ASH1L: variants seen among roughly 807,000 people sequenced by gnomAD.
ASH1L encodes histone-lysine N-methyltransferase ASH1L.
A neutral mutation model predicts 269.0 loss-of-function variants in ASH1L; 23 were observed. The ratio of observed to expected loss-of-function variants is 0.09; its 90% CI spans 0.06 to 0.12. The LOEUF (loss-of-function observed/expected upper bound fraction) is 0.12. ASH1L is among the 10% of genes least tolerant of loss of function. The pLI, the probability that ASH1L is intolerant of heterozygous loss-of-function variation, is 1.00. For missense variants in ASH1L, 2,912 were observed against 3,567.8 expected (o/e 0.82, Z 4.68); for synonymous variants, 1,187 against 1,253.5 (o/e 0.95, Z 1.12).
chr1:155,451,293 C>T (rs1178621745), intron 4 of ASH1L, among the ~76,000 whole-genome samples: 5 of 151,952 alleles, frequency 3.3e-5, no homozygotes, highest in African/African-American at 7.3e-5. Context: ...AAAACAAACA[C>T]CGTATGGTTC....
rs1334600109 is a variant in ASH1L, at chr1:155,481,194, G to A, written c.1676C>T (p.Ser559Leu). ...TAAAGGATTAACAGATACAGTAGGT[G>A]ATGGGGAAGGGAGATTGCTTTCTCC... ...AVGESNLPSPSPTVSVNPLTR... is the reference protein window; with the variant it reads ...AVGESNLPSPLPTVSVNPLTR... Residue 559 changes from serine to leucine, a missense_variant, in exon 3 of 28, where the codon TCA becomes TTA. By Grantham distance (145) the Ser-to-Leu change is moderately radical. Transcript: ENST00000392403. 2 of 1,614,060 alleles carry A rather than the reference G, an allele frequency of 1.2e-6. No homozygotes were observed. The highest frequency in any genetic ancestry group is 1.7e-6 in the Non-Finnish European group (2 of 1,179,988).
chr1:155,511,268 C>T (rs1668143580), intron 2 of ASH1L, among the ~76,000 whole-genome samples: 1 of 152,306 alleles, frequency 6.6e-6, no homozygotes, highest in East Asian at 1.9e-4. Context: ...GAACAGTAAT[C>T]TAAATGTGGC....
intron 6 of ASH1L, among the ~76,000 whole-genome samples, chr1:155,401,129 C>T (rs1181409170): frequency 1.3e-5 from 2 of 151,660 alleles, no homozygotes; most frequent in Non-Finnish European, 2.9e-5. Context: ...CCACTGCACG[C>T]CAGCCAGGGT....
chr1:155,338,454 G>C, intron 26 of ASH1L, 64 bp from the exon 27 acceptor site: 1 of 1,498,230 alleles, frequency 6.7e-7, no homozygotes, highest in Non-Finnish European at 9.0e-7. Context: ...TGAAGGGTAG[G>C]AGGCCTCAAG....
chr1:155,533,943 T>C (rs1669866593), intron 1 of ASH1L, among the ~76,000 whole-genome samples: 1 of 152,056 alleles, frequency 6.6e-6, no homozygotes, highest in African/African-American at 2.4e-5. Flanking sequence ...TCAAAATATG[T>C]TTTGAGAATT....
At chr1:155,459,771 A>T in intron 4 of ASH1L, 26 bp downstream of exon 4, 2 of 1,567,652 alleles carry the variant, frequency 1.3e-6, no homozygotes, top group Non-Finnish European at 1.8e-6. Flanking sequence ...CTATCTTGAA[A>T]ATCTGGTAAA....
chr1:155,540,666 G>A (rs1280863153), intron 1 of ASH1L, among the ~76,000 whole-genome samples: 3 of 152,012 alleles, frequency 2.0e-5, no homozygotes, highest in Admixed American at 2.0e-4. Flanking sequence ...CTACTTGGGA[G>A]GCTGAGGTGG....
In ASH1L at chr1:155,489,762, A is replaced by T. The variant is rs200621283; in HGVS notation, c.421-7313T>A. Among the ~76,000 whole-genome samples, 20 of 148,912 alleles carry T rather than the reference A, an allele frequency of 1.3e-4. No individual in the cohort carries two copies. The East Asian group carries it at 1.6e-3, about 12-fold the overall frequency. Reference sequence around the variant, plus strand: ...AACAGAGGGAGACACTGTCTCAAAAAAAATAAATAAATAAATGGGGAGACA... The same window carrying T: ...AACAGAGGGAGACACTGTCTCAAAATAAATAAATAAATAAATGGGGAGACA... On this transcript the variant is annotated intron_variant, in intron 2 of 27. Coordinates refer to ENST00000392403, the MANE Select transcript of ASH1L (RefSeq NM_018489.3).
At chr1:155,376,642 G>A (rs1257366153) in intron 10 of ASH1L, among the ~76,000 whole-genome samples, 3 of 151,904 alleles carry the variant, frequency 2.0e-5, no homozygotes, top group African/African-American at 7.3e-5. Flanking sequence ...TCGTGCCACC[G>A]CACTCCAGCC....
chr1:155,361,830 G>GCCACTGCA (rs1257431056), intron 12 of ASH1L, among the ~76,000 whole-genome samples: 4 of 139,196 alleles, frequency 2.9e-5, no homozygotes, highest in Admixed American at 7.7e-5. Context: ...CTGAGATCAT[G>GCCACTGCA]CCACTGCATT....
Position 155,548,387 on chromosome 1 carries a change from T to C in ASH1L, c.-100+13766A>G, listed in dbSNP as rs542505581. Among the ~76,000 whole-genome samples, 6 of 152,070 alleles carry C rather than the reference T, an allele frequency of 3.9e-5. No individual in the cohort carries two copies. The South Asian group carries it at 8.3e-4, about 21-fold the overall frequency. ...AAATACAAAAATTAGCCGGGCGTGT[T>C]TGGCACATGCCTGTACTCCCAGCTA... On this transcript the variant is annotated intron_variant, in intron 1 of 27. Coordinates refer to ENST00000392403, the MANE Select transcript of ASH1L (RefSeq NM_018489.3).
chr1:155,435,114 C>A (rs1383460745), intron 5 of ASH1L, among the ~76,000 whole-genome samples: 1 of 151,872 alleles, frequency 6.6e-6, no homozygotes, highest in Non-Finnish European at 1.5e-5. Context: ...GCCAAGATTG[C>A]GCCACTGCAT....
At chr1:155,345,045 C>T (rs1344155107) in intron 21 of ASH1L, among the ~76,000 whole-genome samples, 1 of 152,008 alleles carries the variant, frequency 6.6e-6, no homozygotes, top group Non-Finnish European at 1.5e-5. Context: ...CAACTTCCGC[C>T]TCCAGATTCA....
intron 1 of ASH1L, among the ~76,000 whole-genome samples, chr1:155,530,700 C>T: frequency 6.7e-6 from 1 of 150,198 alleles, no homozygotes; most frequent in East Asian, 2.0e-4. Flanking sequence ...TGTGCCACTG[C>T]ACTCCAGCCT....
chr1:155,529,599 T>C (rs536206887), intron 1 of ASH1L, among the ~76,000 whole-genome samples: 2 of 152,298 alleles, frequency 1.3e-5, no homozygotes, highest in Admixed American at 6.5e-5. Flanking sequence ...GTCAGATGCA[T>C]AGCTTGCAAA....
In ASH1L at chr1:155,562,612, A is replaced by C; in HGVS notation, c.-559T>G. On this transcript the variant is annotated 5_prime_UTR_variant, in exon 1 of 28. Transcript: ENST00000392403. ...AGCGCGCACGCCCGCCCGCACGCGT[A>C]CGAGTGTCTACGGGCTCGTCGCTGG... The C allele has an allele frequency of 6.5e-7, 1 of 1,527,474 alleles. No individual in the cohort carries two copies. The highest frequency in any genetic ancestry group is 2.5e-5 in the East Asian group (1 of 40,608). 94.6% of individuals were successfully genotyped at this position (1,527,474 alleles called of 1,614,324 possible). A position where few individuals can be genotyped will look rare whatever the true frequency, so the allele number is the denominator to read the frequency against.
At chr1:155,509,670 G>A (rs1276172072) in intron 2 of ASH1L, among the ~76,000 whole-genome samples, 1 of 152,096 alleles carries the variant, frequency 6.6e-6, no homozygotes, top group Non-Finnish European at 1.5e-5. Flanking sequence ...ATGATGGTGT[G>A]TGTCTCTAAT....
rs762390096 is a variant in ASH1L, at chr1:155,562,253, G to A, written c.-200C>T. The A allele has an allele frequency of 4.3e-6, 7 of 1,610,112 alleles. No homozygotes were observed. The East Asian group carries it at 8.9e-5, about 21-fold the overall frequency. ...TCCTCCGCTTCCCTGGGTCCACGGC[G>A]GATCCCTCCCGCTTGTCAGGAGGCG... On this transcript the variant is annotated 5_prime_UTR_variant, in exon 1 of 28. Coordinates refer to ENST00000392403, the MANE Select transcript of ASH1L (RefSeq NM_018489.3).
At chr1:155,356,096 C>T (rs1654363622) in intron 15 of ASH1L, among the ~76,000 whole-genome samples, 1 of 151,802 alleles carries the variant, frequency 6.6e-6, no homozygotes, top group Admixed American at 6.6e-5. Context: ...CACCACCATG[C>T]CTGGCTAATT....
Sources: allele counts gnomAD v4.1 joint callset (sites outside exome capture counted in the v4.1 genomes callset), GRCh38; gene constraint gnomAD v4.1.1; transcripts MANE v1.5; gene names NCBI Gene and HGNC (gene_info 2026-07-23, HGNC 2026-07-21).